HDAC9: variants seen among roughly 807,000 people sequenced by gnomAD.
The protein encoded by HDAC9 is MEF-2 interacting transcription repressor (MITR) protein.
Under a neutral mutation model 139.4 loss-of-function variants are expected in HDAC9, and 41 were observed. The observed-to-expected ratio is 0.29, with a 90% CI of 0.23 to 0.38. The LOEUF (loss-of-function observed/expected upper bound fraction) is 0.38. HDAC9 is among the 10% of genes least tolerant of loss of function. HDAC9 has a pLI of 1.00. For missense variants in HDAC9, 1,147 were observed against 1,297.0 expected, an observed-to-expected ratio of 0.88 and a Z score of 1.78; for synonymous variants, 517 against 476.2, an observed-to-expected ratio of 1.09 and a Z score of -1.12.
intron 1 of HDAC9, among the ~76,000 whole-genome samples, chr7:18,330,122 A>G (rs767754904): frequency 6.6e-6 from 1 of 151,624 alleles, no homozygotes. Context: ...ATACTTATCA[A>G]TCTTTTCTGC....
intron 12 of HDAC9, among the ~76,000 whole-genome samples, chr7:18,683,369 G>C (rs1055808039): frequency 6.6e-6 from 1 of 152,040 alleles, no homozygotes; most frequent in Non-Finnish European, 1.5e-5. Flanking sequence ...TCTTGATCAA[G>C]ATCTTCCAGC....
chr7:18,734,527 GCTTCCAGCTTC>G (rs1786705179), intron 13 of HDAC9, among the ~76,000 whole-genome samples: 1 of 152,002 alleles, frequency 6.6e-6, no homozygotes, highest in Non-Finnish European at 1.5e-5. Context: ...GTGGTTTCCA[GCTTCCAGCTTC>G]ATCCGTGTCC....
chr7:18,889,560 T>C (rs138579336), intron 22 of HDAC9, among the ~76,000 whole-genome samples: 93 of 152,328 alleles, frequency 6.1e-4, no homozygotes, highest in African/African-American at 2.1e-3. Flanking sequence ...GCATCCATGT[T>C]GTATTGTGCT....
intron 1 of HDAC9, among the ~76,000 whole-genome samples, chr7:18,318,478 G>GA: frequency 6.6e-6 from 1 of 152,272 alleles, no homozygotes; most frequent in South Asian, 2.1e-4. Flanking sequence ...GTGATACCTG[G>GA]AGTCACCTGT....
chr7:18,924,226 C>A (rs1585321331), intron 22 of HDAC9, among the ~76,000 whole-genome samples: 1 of 151,140 alleles, frequency 6.6e-6, no homozygotes, highest in East Asian at 1.9e-4. Context: ...TGCAAATATT[C>A]TTTAAGTATT....
intron 8 of HDAC9, among the ~76,000 whole-genome samples, chr7:18,639,565 T>G (rs1784923062): frequency 6.6e-6 from 1 of 152,078 alleles, no homozygotes; most frequent in African/African-American, 2.4e-5. Flanking sequence ...TTTCTACTGC[T>G]TCAACAATTT....
intron 1 of HDAC9, among the ~76,000 whole-genome samples, chr7:18,461,184 A>G (rs1292340861): frequency 6.6e-6 from 1 of 152,200 alleles, no homozygotes; most frequent in Non-Finnish European, 1.5e-5. Context: ...TCAGAAAAAA[A>G]AGGCTAAATG....
intron 13 of HDAC9, among the ~76,000 whole-genome samples, chr7:18,742,203 GA>G (rs1180923080): frequency 6.6e-6 from 1 of 152,172 alleles, no homozygotes; most frequent in Non-Finnish European, 1.5e-5. Context: ...ATGCTACAGA[GA>G]AATGTTTTGT....
rs150439800 is a variant in HDAC9, at chr7:18,296,541, A to C, written c.-42+6026A>C. ...CCTTTGTGAATTCCCCTCTTGGCCA[A>C]GGAGAAACACAATTCTAAATATTTT... On this transcript the variant is annotated intron_variant, in intron 1 of 3. Coordinates refer to the HDAC9 transcript ENST00000413509. 2.4e-3 allele frequency among the ~76,000 whole-genome samples: 368 copies of C among 152,268 alleles called. 2 individuals are homozygous for C. Among genetic ancestry groups the C allele is most frequent in the African/African-American group, 8.5e-3 (353 of 41,536 alleles).
chr7:18,159,578 T>C (rs1026754156), intron 1 of HDAC9, among the ~76,000 whole-genome samples: 4 of 152,148 alleles, frequency 2.6e-5, no homozygotes, highest in African/African-American at 9.7e-5. Context: ...GAGGGAAGCA[T>C]ATATAGCCTA....
At chr7:18,392,144 A>T (rs1786546318) in intron 1 of HDAC9, among the ~76,000 whole-genome samples, 1 of 152,108 alleles carries the variant, frequency 6.6e-6, no homozygotes. Context: ...GTATTACCTG[A>T]GTGAGTTACT....
chr7:18,266,328 A>G (rs903292758), intron 2 of HDAC9, among the ~76,000 whole-genome samples: 3 of 152,170 alleles, frequency 2.0e-5, no homozygotes, highest in African/African-American at 7.2e-5. Flanking sequence ...CCTTACCGTG[A>G]CAGGCACTTT....
intron 1 of HDAC9, among the ~76,000 whole-genome samples, chr7:18,462,707 T>G (rs1463231984): frequency 6.6e-6 from 1 of 152,026 alleles, no homozygotes. Flanking sequence ...GTTTATAACT[T>G]TAGTTTGTTG....
At chr7:18,790,535 T>G (rs1441911958) in intron 16 of HDAC9, among the ~76,000 whole-genome samples, 1 of 152,204 alleles carries the variant, frequency 6.6e-6, no homozygotes, top group African/African-American at 2.4e-5. Flanking sequence ...AAATTTCTTT[T>G]GTTTAAGCTA....
In HDAC9 at chr7:18,324,128, A is replaced by G. The variant is rs534618346; in HGVS notation, c.-42+33613A>G. Reference sequence around the variant, plus strand: ...ACATATGAATGCTGGGGGCACATAGACATTCAATCTATATCTCCAAAACTA... The same window carrying G: ...ACATATGAATGCTGGGGGCACATAGGCATTCAATCTATATCTCCAAAACTA... On this transcript the variant is annotated intron_variant, in intron 1 of 3. Transcript: ENST00000413509. Among the ~76,000 whole-genome samples, 111 of 152,236 alleles carry G rather than the reference A, an allele frequency of 7.3e-4. 1 individual carries two copies. Among genetic ancestry groups the G allele is most frequent in the Non-Finnish European group, 1.4e-3 (95 of 68,010 alleles).
intron 1 of HDAC9, among the ~76,000 whole-genome samples, chr7:18,292,468 A>G (rs1726903988): frequency 6.6e-6 from 1 of 152,154 alleles, no homozygotes; most frequent in Non-Finnish European, 1.5e-5. Flanking sequence ...CCTTTTCTCT[A>G]GTAATAGTTT....
chr7:18,189,920 G>GGTGTGTGT (rs35060071), intron 2 of HDAC9, among the ~76,000 whole-genome samples: 1 of 145,056 alleles, frequency 6.9e-6, no homozygotes, highest in African/African-American at 2.6e-5. Flanking sequence ...ACTTGTGTGT[G>GGTGTGTGT]GTGTGTGTGT....
intron 2 of HDAC9, among the ~76,000 whole-genome samples, chr7:18,180,271 A>T (rs1445975237): frequency 6.9e-6 from 1 of 145,580 alleles, no homozygotes; most frequent in South Asian, 2.2e-4. Context: ...ACACACACAC[A>T]CACCACATTC....
At chr7:18,296,648 T>C (rs779245628) in intron 1 of HDAC9, among the ~76,000 whole-genome samples, 2 of 152,184 alleles carry the variant, frequency 1.3e-5, no homozygotes, top group Middle Eastern at 3.2e-3. Context: ...TTAAAATGTC[T>C]ATGCCTGTAG....
Sources: allele counts gnomAD v4.1 joint callset (sites outside exome capture counted in the v4.1 genomes callset), GRCh38; gene constraint gnomAD v4.1.1; transcripts MANE v1.5; gene names NCBI Gene and HGNC (gene_info 2026-07-23, HGNC 2026-07-21).